Variants in ACVR1 observed in about 807,000 individuals in gnomAD.
The protein encoded by ACVR1 is activin receptor type-1.
ACVR1 carries 38 observed loss-of-function variants against 57.1 expected under a neutral mutation model. The ratio of observed to expected loss-of-function variants is 0.67; its 90% CI spans 0.51 to 0.87. ACVR1 has a LOEUF of 0.87. Among genes scored for constraint, ACVR1 ranks in the 40% least tolerant of loss-of-function variants. The pLI, the probability that ACVR1 is intolerant of heterozygous loss-of-function variation, is 0.00. For missense variants in ACVR1, 463 were observed against 638.2 expected, an observed-to-expected ratio of 0.73 and a Z score of 2.96; for synonymous variants, 212 against 228.1, an observed-to-expected ratio of 0.93 and a Z score of 0.63.
At chr2:157,768,672 G>C (rs2105264226) in intron 7 of ACVR1, among the ~76,000 whole-genome samples, 1 of 152,182 alleles carries the variant, frequency 6.6e-6, no homozygotes, top group Non-Finnish European at 1.5e-5. Flanking sequence ...AACTACCTTT[G>C]CTTCATGATT....
intron 1 of ACVR1, among the ~76,000 whole-genome samples, chr2:157,820,160 G>GT (rs1174200171): frequency 3.3e-5 from 5 of 152,216 alleles, no homozygotes; most frequent in Non-Finnish European, 5.9e-5. Context: ...GTAAGGCACA[G>GT]TAAGAATAAG....
chr2:157,803,789 G>C (rs1687413367), intron 2 of ACVR1, among the ~76,000 whole-genome samples: 1 of 151,934 alleles, frequency 6.6e-6, no homozygotes, highest in Non-Finnish European at 1.5e-5. Flanking sequence ...TTAAACTCTT[G>C]AAAATTACTG....
intron 9 of ACVR1, among the ~76,000 whole-genome samples, chr2:157,747,403 T>C (rs1291906601): frequency 1.3e-5 from 2 of 152,184 alleles, no homozygotes; most frequent in Admixed American, 1.3e-4. Flanking sequence ...ATGTCTACAA[T>C]AGGCCCCAAA....
At chr2:157,829,867 C>A (rs1688521303) in intron 1 of ACVR1, among the ~76,000 whole-genome samples, 1 of 152,120 alleles carries the variant, frequency 6.6e-6, no homozygotes, top group African/African-American at 2.4e-5. Context: ...AGTCTGTGGA[C>A]TCTTCAAAGT....
Position 157,742,799 on chromosome 2 carries a change from C to T in ACVR1, c.1265-4229G>A, listed in dbSNP as rs184344454. ...AACAAGTCCTTCCTCAAGATCTTGC[C>T]CCCGAGGTCCTGAACTAGACAGCCA... On this transcript the variant is annotated intron_variant, in intron 9 of 10. Coordinates refer to ENST00000434821, the MANE Select transcript of ACVR1 (RefSeq NM_001111067.4). Among the ~76,000 whole-genome samples, 997 of 152,282 alleles carry T rather than the reference C, an allele frequency of 6.5e-3. 9 individuals carry two copies. Among genetic ancestry groups the T allele is most frequent in the South Asian group, 0.012 (58 of 4,816 alleles).
At chr2:157,765,168 C>T (rs1685813266) in intron 8 of ACVR1, among the ~76,000 whole-genome samples, 1 of 152,134 alleles carries the variant, frequency 6.6e-6, no homozygotes, top group Non-Finnish European at 1.5e-5. Flanking sequence ...TGAAAATACT[C>T]TTATTTATAA....
At chr2:157,765,801 G>A (rs982657205) in intron 8 of ACVR1, 120 bp downstream of exon 8, 7 of 981,254 alleles carry the variant, frequency 7.1e-6, no homozygotes, top group African/African-American at 3.2e-5. Flanking sequence ...CATTGTAAAT[G>A]TTCAACTTTT....
chr2:157,761,216 C>A (rs765820520), intron 8 of ACVR1, 139 bp from the exon 9 acceptor site: 10 of 746,740 alleles, frequency 1.3e-5, no homozygotes, highest in Non-Finnish European at 2.0e-5. Flanking sequence ...AGAATGATCC[C>A]TAGAATGCCC....
In ACVR1 at chr2:157,832,454, G is replaced by A. The variant is rs560280515; in HGVS notation, c.-182-13895C>T. Among the ~76,000 whole-genome samples the A allele has an allele frequency of 3.9e-5, 6 of 152,328 alleles. No individual in the cohort carries two copies. In the South Asian group the frequency reaches 1.2e-3, roughly 32 times the overall value. On this transcript the variant is annotated intron_variant, in intron 1 of 10. Transcript: ENST00000434821. ...CTGGAATCCTCTTTGGGATTCCAGTGATGCTTTGCAGTAGGGGTGATATGG... is the reference window on the plus strand; with the variant it reads ...CTGGAATCCTCTTTGGGATTCCAGTAATGCTTTGCAGTAGGGGTGATATGG...
chr2:157,803,657 G>A (rs941126181), intron 2 of ACVR1, among the ~76,000 whole-genome samples: 7 of 152,116 alleles, frequency 4.6e-5, no homozygotes, highest in Admixed American at 2.0e-4. Context: ...GCTAAGGAGC[G>A]TTCATATGTA....
At chr2:157,861,594 T>C (rs1265383233) in intron 1 of ACVR1, among the ~76,000 whole-genome samples, 2 of 152,154 alleles carry the variant, frequency 1.3e-5, no homozygotes, top group African/African-American at 4.8e-5. Flanking sequence ...AGACTAAAAA[T>C]CAACAGGCAC....
intron 1 of ACVR1, among the ~76,000 whole-genome samples, chr2:157,837,926 C>T (rs1244888886): frequency 6.6e-6 from 1 of 152,178 alleles, no homozygotes; most frequent in Non-Finnish European, 1.5e-5. Context: ...CTGCAGTTGG[C>T]ACGAAGCGTT....
chr2:157,792,158 C>T (rs1686940257), intron 3 of ACVR1, among the ~76,000 whole-genome samples: 1 of 151,642 alleles, frequency 6.6e-6, no homozygotes, highest in South Asian at 2.1e-4. Flanking sequence ...AGGTGAATGT[C>T]ACCATCATGT....
At chr2:157,828,658 A>G (rs1216643963) in intron 1 of ACVR1, among the ~76,000 whole-genome samples, 3 of 152,204 alleles carry the variant, frequency 2.0e-5, no homozygotes, top group Admixed American at 2.0e-4. Context: ...CTGTACTGCG[A>G]TGGCACCCAA....
intron 1 of ACVR1, among the ~76,000 whole-genome samples, chr2:157,846,284 A>C (rs1264608943): frequency 6.6e-6 from 1 of 152,222 alleles, no homozygotes; most frequent in Non-Finnish European, 1.5e-5. Context: ...AGCCTCCAAA[A>C]CTGGAAGAAA....
At chr2:157,856,042 T>TA (rs35485473) in intron 1 of ACVR1, among the ~76,000 whole-genome samples, 222 of 147,422 alleles carry the variant, frequency 1.5e-3, no homozygotes, top group African/African-American at 3.9e-3. Context: ...CCCAAAAACT[T>TA]AAAAAAAAAA....
chr2:157,793,892 T>C (rs1282230446), intron 3 of ACVR1, among the ~76,000 whole-genome samples: 3 of 152,180 alleles, frequency 2.0e-5, no homozygotes, highest in Non-Finnish European at 1.5e-5. Flanking sequence ...GGCTGGAAAG[T>C]CTGAGTAGTG....
chr2:157,742,616 T>C (rs1029313222), intron 9 of ACVR1, among the ~76,000 whole-genome samples: 1 of 152,174 alleles, frequency 6.6e-6, no homozygotes, highest in Non-Finnish European at 1.5e-5. Context: ...TCCCTCCCAT[T>C]AGTTTGCTAT....
intron 9 of ACVR1, among the ~76,000 whole-genome samples, chr2:157,739,320 A>C (rs886094994): frequency 6.6e-6 from 1 of 152,250 alleles, no homozygotes; most frequent in Admixed American, 6.5e-5. Flanking sequence ...TCCTCTGCCC[A>C]AAAGCAAATA....
Sources: allele counts gnomAD v4.1 joint callset (sites outside exome capture counted in the v4.1 genomes callset), GRCh38; gene constraint gnomAD v4.1.1; transcripts MANE v1.5; gene names NCBI Gene and HGNC (gene_info 2026-07-23, HGNC 2026-07-21).